The following GDAP1 variants were observed in gnomAD, a reference collection of about 807,000 sequenced individuals.
The protein encoded by GDAP1 is ganglioside-induced differentiation-associated protein 1.
Under a neutral mutation model 40.1 loss-of-function variants are expected in GDAP1, and 34 were observed. The observed-to-expected ratio is 0.85, with a 90% confidence interval of 0.64 to 1.13. The LOEUF (loss-of-function observed/expected upper bound fraction) is 1.13. Ranked by LOEUF, GDAP1 falls within the 50% of genes most tolerant of loss-of-function variation. GDAP1 has a pLI of 0.00. For missense variants in GDAP1, 374 were observed against 433.7 expected (o/e 0.86, Z 1.22); for synonymous variants, 170 against 157.4 (o/e 1.08, Z -0.60).
At chr8:74,466,168 A>C (rs1806467278) in intron 2 of GDAP1, among the ~76,000 whole-genome samples, 1 of 152,160 alleles carries the variant, frequency 6.6e-6, no homozygotes, top group African/African-American at 2.4e-5. Context: ...TGACTTCATA[A>C]AAAAATGTAG....
chr8:74,434,614 A>G (rs1459827897), intron 2 of GDAP1, among the ~76,000 whole-genome samples: 1 of 152,204 alleles, frequency 6.6e-6, no homozygotes, highest in Admixed American at 6.5e-5. Flanking sequence ...TTTATCAGAC[A>G]TGAACTTTTT....
rs1809530614 is a variant in GDAP1 at position 74,364,511 on chromosome 8, G to A, written c.*144G>A. The A allele has an allele frequency of 1.2e-6, 1 of 853,464 alleles. No homozygotes were observed. The highest frequency in any genetic ancestry group is 1.9e-6 in the Non-Finnish European group (1 of 514,824). 52.9% of individuals were successfully genotyped at this position (853,464 alleles called of 1,614,324 possible). ...AAGTCATCTTTGTTACACAACACAGGGGTTCAGGTAGCAATAGGACACAAA... is the reference window on the plus strand; with the variant it reads ...AAGTCATCTTTGTTACACAACACAGAGGTTCAGGTAGCAATAGGACACAAA... On this transcript the variant is annotated 3_prime_UTR_variant, in exon 6 of 6. Coordinates refer to ENST00000220822, the MANE Select transcript of GDAP1 (RefSeq NM_018972.4).
intron 2 of GDAP1, among the ~76,000 whole-genome samples, chr8:74,431,497 T>TTTATTTA (rs1563468120): frequency 1.7e-5 from 2 of 115,368 alleles, no homozygotes; most frequent in African/African-American, 6.2e-5. Flanking sequence ...TTATTTATTT[T>TTTATTTA]TTGAGACAGA....
rs116951362 is a variant in GDAP1, at chr8:74,385,173, G to T, written c.165+33852G>T. Among the ~76,000 whole-genome samples, 1,481 of 151,820 alleles carry T rather than the reference G, an allele frequency of 9.8e-3. 7 individuals carry two copies. The highest frequency in any genetic ancestry group is 0.014 in the Non-Finnish European group (956 of 67,914). On this transcript the variant is annotated intron_variant, in intron 2 of 2. Transcript: ENST00000523640. ...TGGATAAAGAGATAGGTGGTATATA[G>T]ATCTTTTTATTATTATTATTATAGT...
chr8:74,386,246 C>T (rs796668599), intron 2 of GDAP1, among the ~76,000 whole-genome samples: 14 of 106,582 alleles, frequency 1.3e-4, no homozygotes, highest in African/African-American at 5.6e-4. Context: ...TTGGTGCTTT[C>T]GTCATAAGTT....
At chr8:74,417,654 G>A (rs1805800144) in intron 2 of GDAP1, among the ~76,000 whole-genome samples, 1 of 148,908 alleles carries the variant, frequency 6.7e-6, no homozygotes, top group Non-Finnish European at 1.5e-5. Context: ...CTACTCGGGA[G>A]GCCAAGGCAG....
chr8:74,448,807 G>T (rs1001858995), intron 2 of GDAP1, among the ~76,000 whole-genome samples: 3 of 151,934 alleles, frequency 2.0e-5, no homozygotes, highest in Non-Finnish European at 4.4e-5. Flanking sequence ...GAGTTTTTTG[G>T]TCAGATATAT....
intron 2 of GDAP1, among the ~76,000 whole-genome samples, chr8:74,380,500 G>A (rs1809933862): frequency 1.1e-5 from 1 of 88,426 alleles, no homozygotes; most frequent in South Asian, 4.5e-4. Context: ...ACCCTACAGA[G>A]TCTTTTTTTT....
Position 74,392,372 on chromosome 8 carries a change from A to C in GDAP1, c.165+41051A>C, listed in dbSNP as rs973254129. Among the ~76,000 whole-genome samples, 5 of 152,344 alleles carry C rather than the reference A, an allele frequency of 3.3e-5. No homozygotes were observed. In the East Asian group the frequency reaches 5.8e-4, roughly 18 times the overall value. On this transcript the variant is annotated intron_variant, in intron 2 of 2. Coordinates refer to the GDAP1 transcript ENST00000523640. ...ACTATAACAATTTTTGATGTCAATAATTTCAAAAAACAAAGAAAACGAGAG... is the reference window on the plus strand; with the variant it reads ...ACTATAACAATTTTTGATGTCAATACTTTCAAAAAACAAAGAAAACGAGAG...
At chr8:74,414,733 A>G (rs1415543528) in intron 2 of GDAP1, among the ~76,000 whole-genome samples, 1 of 150,104 alleles carries the variant, frequency 6.7e-6, no homozygotes, top group Non-Finnish European at 1.5e-5. Context: ...GAGTCTCAGA[A>G]TGAGGATAAA....
chr8:74,422,510 TCC>T (rs1563465736), intron 2 of GDAP1, among the ~76,000 whole-genome samples: 1 of 32,198 alleles, frequency 3.1e-5, no homozygotes, highest in Non-Finnish European at 1.0e-4. Context: ...CTTCCTTCCT[TCC>T]TTCCTTCCTT....
intron 2 of GDAP1, among the ~76,000 whole-genome samples, chr8:74,476,096 T>C (rs1806625386): frequency 6.6e-6 from 1 of 152,204 alleles, no homozygotes; most frequent in Non-Finnish European, 1.5e-5. Context: ...GAAATTAGGA[T>C]TGCAACCCCT....
chr8:74,398,574 T>C (rs1468564486), intron 2 of GDAP1, among the ~76,000 whole-genome samples: 1 of 152,188 alleles, frequency 6.6e-6, no homozygotes, highest in African/African-American at 2.4e-5. Flanking sequence ...GGCCAGAACT[T>C]CCAACACTAT....
At chr8:74,449,578 AT>A (rs1554556355) in intron 2 of GDAP1, among the ~76,000 whole-genome samples, 1 of 151,740 alleles carries the variant, frequency 6.6e-6, no homozygotes, top group Non-Finnish European at 1.5e-5. Context: ...TATGTTTTTT[AT>A]GTTATTAAAT....
At chr8:74,400,383 T>C (rs565946602) in intron 2 of GDAP1, among the ~76,000 whole-genome samples, 9 of 150,042 alleles carry the variant, frequency 6.0e-5, no homozygotes, top group Middle Eastern at 3.4e-3. Flanking sequence ...CCCTGCCTTT[T>C]TTTTTGTTTT....
Position 74,351,535 on chromosome 8 carries a change from TTC to T in GDAP1, c.310+78_310+79del, listed in dbSNP as rs1313569591. 7 of 1,118,766 alleles carry T rather than the reference TTC, an allele frequency of 6.3e-6. No individual in the cohort carries two copies. The East Asian group carries it at 1.4e-4, about 22-fold the overall frequency. 69.3% of individuals were successfully genotyped at this position (1,118,766 alleles called of 1,614,324 possible). ...ACAACTATGTGTTCCCTTTCTCTTT[TTC>T]TCTCTCTCCTCTCTCTCTTTCTCTT... On this transcript the variant is annotated intron_variant, in intron 2 of 5. Transcript: ENST00000220822.
intron 2 of GDAP1, among the ~76,000 whole-genome samples, chr8:74,436,060 A>G (rs1176076616): frequency 6.6e-6 from 1 of 152,108 alleles, no homozygotes; most frequent in Admixed American, 6.5e-5. Context: ...CAGGCAACAT[A>G]CTCTCTTCAT....
At chr8:74,435,570 A>G (rs1806078641) in intron 2 of GDAP1, among the ~76,000 whole-genome samples, 1 of 152,250 alleles carries the variant, frequency 6.6e-6, no homozygotes. Flanking sequence ...TAAATCATAC[A>G]ACTAAAGCAG....
chr8:74,445,952 A>G (rs1012016784), intron 2 of GDAP1, among the ~76,000 whole-genome samples: 1 of 152,194 alleles, frequency 6.6e-6, no homozygotes, highest in African/African-American at 2.4e-5. Flanking sequence ...AGGTGTTAGG[A>G]AAGATTTTTA....
Sources: gnomAD v4.1 joint callset for allele counts (sites outside exome capture counted in the v4.1 genomes callset) on GRCh38, gnomAD v4.1.1 for gene constraint, MANE v1.5 for transcripts, NCBI Gene and HGNC (gene_info 2026-07-23, HGNC 2026-07-21) for gene names.